The following RGS17 variants were observed in gnomAD, a reference collection of about 807,000 sequenced individuals.
The protein encoded by RGS17 is regulator of G protein signaling 17, also known as regulator of G-protein signaling 17.
In RGS17, 12 loss-of-function variants were observed where a neutral mutation model predicts 25.5. The ratio of observed to expected loss-of-function variants is 0.47; its 90% CI spans 0.30 to 0.76. The LOEUF (loss-of-function observed/expected upper bound fraction) is 0.76. Ranked by LOEUF, RGS17 falls within the 30% of genes least tolerant of loss-of-function variation. RGS17 has a pLI of 0.07. For missense variants in RGS17, 196 were observed against 242.2 expected (o/e 0.81, Z 1.27); for synonymous variants, 71 against 76.9 (o/e 0.92, Z 0.40).
intron 3 of RGS17, among the ~76,000 whole-genome samples, chr6:153,025,475 A>T (rs1779289849): frequency 6.6e-6 from 1 of 151,850 alleles, no homozygotes; most frequent in Non-Finnish European, 1.5e-5. Flanking sequence ...TGCAAAAACC[A>T]CTAGTAATTA....
At chr6:153,015,785 C>T (rs1464066180) in intron 4 of RGS17, among the ~76,000 whole-genome samples, 1 of 151,956 alleles carries the variant, frequency 6.6e-6, no homozygotes, top group African/African-American at 2.4e-5. Context: ...TCCTGAGTAG[C>T]GGGGACTACA....
chr6:153,065,523 CAT>C (rs1437288049), intron 1 of RGS17, among the ~76,000 whole-genome samples: 1 of 152,120 alleles, frequency 6.6e-6, no homozygotes, highest in South Asian at 2.1e-4. Flanking sequence ...GGATAGATCA[CAT>C]GTTAGGTCAT....
intron 2 of RGS17, among the ~76,000 whole-genome samples, chr6:153,040,048 G>A (rs1306532311): frequency 1.7e-5 from 1 of 57,938 alleles, no homozygotes; most frequent in African/African-American, 9.2e-5. Flanking sequence ...TGAATAGAAG[G>A]TCTTGCATGT....
In RGS17 at chr6:153,042,346, G is replaced by A. The variant is rs540659802; in HGVS notation, c.119+1554C>T. 1.9e-4 allele frequency among the ~76,000 whole-genome samples: 29 copies of A among 152,246 alleles called. 1 individual carries two copies. The South Asian group carries it at 5.4e-3, about 28-fold the overall frequency. On this transcript the variant is annotated intron_variant, in intron 2 of 4. Coordinates refer to ENST00000206262, the MANE Select transcript of RGS17 (RefSeq NM_012419.5). ...TCCCCATGTGTCATGGGAAGGACGC[G>A]GTGGCAGGTAATTGAATCATGGGGA... is the stretch of plus-strand genomic sequence containing the variant.
intron 1 of RGS17, among the ~76,000 whole-genome samples, chr6:153,070,999 A>G (rs142921958): frequency 7.3e-5 from 11 of 150,752 alleles, no homozygotes; most frequent in Admixed American, 7.3e-4. Flanking sequence ...GTATATATGT[A>G]CATGTGTATA....
At chr6:153,100,368 T>C (rs1458281279) in intron 1 of RGS17, among the ~76,000 whole-genome samples, 1 of 152,212 alleles carries the variant, frequency 6.6e-6, no homozygotes, top group African/African-American at 2.4e-5. Flanking sequence ...TATCCTGACA[T>C]AATTCTCCGT....
chr6:153,013,868 T>C (rs1252125622), intron 4 of RGS17, among the ~76,000 whole-genome samples: 1 of 152,216 alleles, frequency 6.6e-6, no homozygotes, highest in Non-Finnish European at 1.5e-5. Context: ...AGATGTTGGT[T>C]CATGAGGTGT....
intron 1 of RGS17, among the ~76,000 whole-genome samples, chr6:153,084,937 G>A (rs1777032738): frequency 6.6e-6 from 1 of 152,180 alleles, no homozygotes; most frequent in Non-Finnish European, 1.5e-5. Flanking sequence ...GAGTACGTTT[G>A]TATGCTATGT....
At chr6:153,049,907 A>G (rs1392855668) in intron 1 of RGS17, among the ~76,000 whole-genome samples, 1 of 152,222 alleles carries the variant, frequency 6.6e-6, no homozygotes, top group Admixed American at 6.5e-5. Context: ...TGTTCTATCA[A>G]TAATATAGAA....
intron 1 of RGS17, among the ~76,000 whole-genome samples, chr6:153,065,773 A>G (rs1776698202): frequency 6.6e-6 from 1 of 152,200 alleles, no homozygotes; most frequent in Non-Finnish European, 1.5e-5. Flanking sequence ...TATAGGATAC[A>G]GTAAAAGCAG....
intron 1 of RGS17, among the ~76,000 whole-genome samples, chr6:153,082,338 T>C (rs1249416825): frequency 6.6e-6 from 1 of 152,216 alleles, no homozygotes; most frequent in African/African-American, 2.4e-5. Flanking sequence ...GGAAGTTCAA[T>C]TACATATATG....
At chr6:153,092,315 G>A (rs1312794259) in intron 1 of RGS17, among the ~76,000 whole-genome samples, 1 of 152,198 alleles carries the variant, frequency 6.6e-6, no homozygotes, top group Non-Finnish European at 1.5e-5. Context: ...ATACGATTTT[G>A]AAGGAAGCAG....
chr6:153,005,229 AG>A lies in RGS17; in HGVS notation c.*6344del, dbSNP rs1407138189. On this transcript the variant is annotated 3_prime_UTR_variant, in exon 5 of 5. Coordinates refer to ENST00000206262, the MANE Select transcript of RGS17 (RefSeq NM_012419.5). ...GATCTTTAATATCCAAAGTATGTGG[AG>A]GATTATTGTAAATTGCGCAGACAGT... The A allele has an allele frequency of 6.6e-6, 1 of 152,206 alleles. No homozygotes were observed. The highest frequency in any genetic ancestry group is 2.4e-5 in the African/African-American group (1 of 41,464). The allele number at this position is 152,206 out of a possible 1,614,324, so 9.4% of individuals were successfully genotyped here. A position where few individuals can be genotyped will look rare whatever the true frequency, so the allele number is the denominator to read the frequency against.
intron 4 of RGS17, among the ~76,000 whole-genome samples, chr6:153,018,383 T>C (rs1434814985): frequency 2.6e-5 from 4 of 152,188 alleles, no homozygotes; most frequent in Non-Finnish European, 5.9e-5. Flanking sequence ...CCTCAAACAT[T>C]CATTTCACCT....
At chr6:153,111,732 T>C (rs561982354) in intron 1 of RGS17, among the ~76,000 whole-genome samples, 1 of 152,298 alleles carries the variant, frequency 6.6e-6, no homozygotes, top group African/African-American at 2.4e-5. Context: ...GGGACAAAGC[T>C]TCCAGAGGAA....
intron 2 of RGS17, among the ~76,000 whole-genome samples, chr6:153,037,649 C>CTGTTGGTGGCTGGA (rs1350674656): frequency 6.6e-6 from 1 of 151,968 alleles, no homozygotes; most frequent in Non-Finnish European, 1.5e-5. Context: ...TGGTCTCAAA[C>CTGTTGGTGGCTGGA]TCCTGACCTC....
At chr6:153,103,519 A>G (rs1777336360) in intron 1 of RGS17, among the ~76,000 whole-genome samples, 1 of 152,176 alleles carries the variant, frequency 6.6e-6, no homozygotes, top group African/African-American at 2.4e-5. Flanking sequence ...GTTAAAGTGC[A>G]GTTGCTGAGG....
At chr6:153,032,574 GA>G (rs10531899) in intron 2 of RGS17, among the ~76,000 whole-genome samples, 33,380 of 144,828 alleles carry the variant, frequency 0.23, 3,885 homozygotes, top group East Asian at 0.32. Flanking sequence ...ACCCTTATTT[GA>G]AAAAAAAAAA....
chr6:153,019,253 C>T (rs1465725436), intron 4 of RGS17, among the ~76,000 whole-genome samples: 2 of 152,154 alleles, frequency 1.3e-5, no homozygotes, highest in African/African-American at 4.8e-5. Flanking sequence ...GTAACGACAA[C>T]GCCATCACTA....
Sources: allele counts gnomAD v4.1 joint callset (sites outside exome capture counted in the v4.1 genomes callset), GRCh38; gene constraint gnomAD v4.1.1; transcripts MANE v1.5; gene names NCBI Gene and HGNC (gene_info 2026-07-23, HGNC 2026-07-21).